Variants in PRKN observed in about 807,000 individuals in gnomAD.
PRKN encodes parkin RBR E3 ubiquitin protein ligase, also known as E3 ubiquitin-protein ligase parkin.
PRKN carries 56 observed loss-of-function variants against 59.5 expected under a neutral mutation model. That is an observed-to-expected ratio of 0.94 (90% CI 0.76 to 1.18). The LOEUF (loss-of-function observed/expected upper bound fraction) is 1.18. Ranked by LOEUF, PRKN falls within the 50% of genes most tolerant of loss-of-function variation. The pLI is 0.00. For missense variants in PRKN, 657 were observed against 596.4 expected, an observed-to-expected ratio of 1.10 and a Z score of -1.06; for synonymous variants, 250 against 222.1, an observed-to-expected ratio of 1.13 and a Z score of -1.12.
intron 2 of PRKN, among the ~76,000 whole-genome samples, chr6:162,343,644 G>A (rs1251956929): frequency 1.3e-5 from 2 of 152,152 alleles, no homozygotes; most frequent in South Asian, 4.1e-4. Context: ...TATGCATTTA[G>A]TAAGTATAAG....
rs1197873503 is a variant in PRKN, at chr6:161,390,448, A to T, written c.1084-3571T>A. 1.3e-5 allele frequency among the ~76,000 whole-genome samples: 2 copies of T among 152,212 alleles called. No individual in the cohort carries two copies. Among genetic ancestry groups the T allele is most frequent in the Non-Finnish European group, 1.5e-5 (1 of 68,044 alleles). On this transcript the variant is annotated intron_variant, in intron 9 of 11. Coordinates refer to ENST00000366898, the MANE Select transcript of PRKN (RefSeq NM_004562.3). This position sits in a 1 kb window ranked among gnomAD's most constrained non-coding sequence, Gnocchi z 7.0. ...TTGGAAGTTACCAGAATAGAAAACA[A>T]ATACCATGTAAACATCCATTTGGAA...
At position 161,629,685 on chromosome 6, in the gene PRKN, C is replaced by T. The variant is rs377350162; in HGVS notation, c.872-60269G>A. Among the ~76,000 whole-genome samples, 8 of 152,190 alleles carry T rather than the reference C, an allele frequency of 5.3e-5. No individual in the cohort carries two copies. In the South Asian group the frequency reaches 1.2e-3, roughly 24 times the overall value. ...CTGGTATTCTCACCCAACCATCCTC[C>T]GCACTCTCGCTCTGCCTGCCTCCTT... On this transcript the variant is annotated intron_variant, in intron 7 of 11. Transcript: ENST00000366898.
intron 2 of PRKN, among the ~76,000 whole-genome samples, chr6:162,345,243 T>C (rs76509758): frequency 0.014 from 2,162 of 152,294 alleles, 44 homozygotes; most frequent in African/African-American, 0.042. Context: ...CTGTCTAGCA[T>C]TGAAAATGGT....
At position 161,473,983 on chromosome 6, in the gene PRKN, C is replaced by A. The variant is rs1405674912; in HGVS notation, c.1083+74871G>T. Among the ~76,000 whole-genome samples, 1 of 152,096 alleles carries A rather than the reference C, an allele frequency of 6.6e-6. No individual in the cohort carries two copies. The highest frequency in any genetic ancestry group is 2.4e-5 in the African/African-American group (1 of 41,402). ...AATTTTATGCTTGTGGAAATCTATC[C>A]ACCCAAGCTTAGGCAGAGCCAGACT... is the stretch of plus-strand genomic sequence containing the variant. On this transcript the variant is annotated intron_variant, in intron 9 of 11. Transcript: ENST00000366898. The surrounding 1 kb of genome is among the most constrained non-coding windows in gnomAD (Gnocchi z 4.1).
At chr6:162,294,835 G>C (rs1467934992) in intron 2 of PRKN, among the ~76,000 whole-genome samples, 2 of 152,168 alleles carry the variant, frequency 1.3e-5, no homozygotes, top group African/African-American at 4.8e-5. Flanking sequence ...TGCAGATTCA[G>C]GTGTAAGCAC....
intron 5 of PRKN, among the ~76,000 whole-genome samples, chr6:162,025,716 G>A (rs1783408995): frequency 6.8e-6 from 1 of 147,998 alleles, no homozygotes; most frequent in Non-Finnish European, 1.5e-5. Flanking sequence ...AGCCTCCTGA[G>A]TAGCTGGGAC....
intron 3 of PRKN, among the ~76,000 whole-genome samples, chr6:162,210,872 T>A (rs555552856): frequency 2.6e-5 from 4 of 152,240 alleles, no homozygotes; most frequent in Non-Finnish European, 5.9e-5. Context: ...TATTGTATGG[T>A]TGTGGAATGG....
At chr6:162,250,937 T>G (rs1779408011) in intron 3 of PRKN, among the ~76,000 whole-genome samples, 1 of 152,176 alleles carries the variant, frequency 6.6e-6, no homozygotes, top group African/African-American at 2.4e-5. Flanking sequence ...AAGTCTTCAA[T>G]AACTTTTTTG....
intron 6 of PRKN, among the ~76,000 whole-genome samples, chr6:161,904,219 G>A (rs1002252289): frequency 2.0e-5 from 3 of 151,852 alleles, no homozygotes; most frequent in Admixed American, 6.6e-5. Flanking sequence ...TGAGGATGCT[G>A]AGCCAGCACG....
chr6:162,573,941 C>T (rs749276228), intron 1 of PRKN, among the ~76,000 whole-genome samples: 8 of 152,148 alleles, frequency 5.3e-5, no homozygotes, highest in Non-Finnish European at 8.8e-5. Flanking sequence ...GTTGGATTCC[C>T]ATCCAAAGCA....
Position 161,352,275 on chromosome 6 carries a change from T to C in PRKN, c.1286-2064A>G, listed in dbSNP as rs115486756. On this transcript the variant is annotated intron_variant, in intron 11 of 11. Transcript: ENST00000366898. This position sits in a 1 kb window ranked among gnomAD's most constrained non-coding sequence, Gnocchi z 5.8. The stretch of plus-strand genomic sequence containing the variant: ...CACTAATTTAAAATATTTATGAATA[T>C]ATAGGAATAGGCATTTGTTTTAAGA... 3.4e-3 allele frequency among the ~76,000 whole-genome samples: 514 copies of C among 152,334 alleles called. 3 individuals are homozygous for C. The highest frequency in any genetic ancestry group is 0.012 in the African/African-American group (496 of 41,576).
At chr6:161,758,852 A>G (rs942019675) in intron 7 of PRKN, among the ~76,000 whole-genome samples, 1 of 152,152 alleles carries the variant, frequency 6.6e-6, no homozygotes, top group Non-Finnish European at 1.5e-5. Context: ...CCTATACCAC[A>G]CAAACACATC....
At chr6:161,794,852 G>A (rs1790774013) in intron 6 of PRKN, among the ~76,000 whole-genome samples, 1 of 152,044 alleles carries the variant, frequency 6.6e-6, no homozygotes, top group Admixed American at 6.6e-5. Flanking sequence ...TTCTTGTAAT[G>A]TTTACATTTA....
intron 2 of PRKN, among the ~76,000 whole-genome samples, chr6:162,272,471 G>A (rs918959915): frequency 7.2e-5 from 11 of 151,928 alleles, no homozygotes; most frequent in Admixed American, 5.9e-4. Context: ...CATGGAATAC[G>A]CTGTATAGAA....
intron 1 of PRKN, among the ~76,000 whole-genome samples, chr6:162,555,931 C>A (rs1394303047): frequency 7.5e-6 from 1 of 132,876 alleles, no homozygotes; most frequent in African/African-American, 2.7e-5. Flanking sequence ...GTGGAGGTTG[C>A]GGTGTGCCGA....
intron 6 of PRKN, among the ~76,000 whole-genome samples, chr6:161,899,002 C>T (rs1777774741): frequency 6.6e-6 from 1 of 152,206 alleles, no homozygotes; most frequent in Admixed American, 6.5e-5. Context: ...GCAGGGAATC[C>T]AAGGGCTCCT....
chr6:162,155,144 T>C (rs988244198), intron 4 of PRKN, among the ~76,000 whole-genome samples: 3 of 151,226 alleles, frequency 2.0e-5, no homozygotes, highest in Non-Finnish European at 1.5e-5. Flanking sequence ...GCTGTTTCCA[T>C]TGAAAAATTA....
chr6:161,720,880 A>G (rs549944164), intron 7 of PRKN, among the ~76,000 whole-genome samples: 53 of 152,276 alleles, frequency 3.5e-4, no homozygotes, highest in African/African-American at 1.3e-3. Flanking sequence ...TTCTACTCCA[A>G]AAGAGTAAAG....
In PRKN at chr6:162,060,230, A is replaced by C. The variant is rs73785336; in HGVS notation, c.535-6056T>G. On this transcript the variant is annotated intron_variant, in intron 4 of 11. Coordinates refer to ENST00000366898, the MANE Select transcript of PRKN (RefSeq NM_004562.3). ...TATGAGTAGGTATGTCCTGGGTCTCAAGTGAGAAATTACAATGAAAACCTT... is the reference window on the plus strand; with the variant it reads ...TATGAGTAGGTATGTCCTGGGTCTCCAGTGAGAAATTACAATGAAAACCTT... Among the ~76,000 whole-genome samples the C allele has an allele frequency of 7.5e-3, 1,143 of 152,316 alleles. 15 individuals carry two copies. Among genetic ancestry groups the C allele is most frequent in the African/African-American group, 0.027 (1,105 of 41,570 alleles).
Sources: allele counts gnomAD v4.1 joint callset (sites outside exome capture counted in the v4.1 genomes callset), GRCh38; gene constraint gnomAD v4.1.1; non-coding constraint Gnocchi (gnomAD v3.1); transcripts MANE v1.5; gene names NCBI Gene and HGNC (gene_info 2026-07-23, HGNC 2026-07-21).